Variants in MYLK observed in about 807,000 individuals in gnomAD.
MYLK encodes the protein myosin light chain kinase, smooth muscle.
Under a neutral mutation model 203.4 loss-of-function variants are expected in MYLK, and 106 were observed. That is an observed-to-expected ratio of 0.52 (90% CI 0.45 to 0.61). The LOEUF (loss-of-function observed/expected upper bound fraction) is 0.61. MYLK is among the 20% of genes least tolerant of loss of function. The pLI is 0.00. For missense variants in MYLK, 2,072 were observed against 2,442.3 expected, an observed-to-expected ratio of 0.85 and a Z score of 3.20; for synonymous variants, 867 against 959.5, an observed-to-expected ratio of 0.90 and a Z score of 1.78.
chr3:123,726,025 C>T lies in MYLK; in HGVS notation c.1570G>A (p.Ala524Thr), dbSNP rs375501508. Residue 524 changes from alanine (A) to threonine (T), a missense_variant, in exon 12 of 34, where the codon GCT becomes ACT. Transcript: ENST00000360304. ...PSFSSVLKDC[A>T]VIEGQDFVLQ... ...ACAAAATCCTGGCCCTCAATAACAG[C>T]GCAGTCCTTCAGGACACTGGAGAAG... 15 of 1,614,058 alleles carry T rather than the reference C, an allele frequency of 9.3e-6. No homozygotes were observed. In the Middle Eastern group the frequency reaches 4.9e-4, roughly 53 times the overall value.
intron 2 of MYLK, among the ~76,000 whole-genome samples, chr3:123,845,201 A>G (rs139064267): frequency 1.6e-4 from 24 of 152,294 alleles, no homozygotes; most frequent in Admixed American, 3.9e-4. Context: ...GGGGCTGCAC[A>G]GGGCACTCTG....
At chr3:123,632,657 A>G (rs528748770) in intron 29 of MYLK, among the ~76,000 whole-genome samples, 3 of 152,330 alleles carry the variant, frequency 2.0e-5, no homozygotes, top group East Asian at 3.9e-4. Context: ...AATAAAAAAT[A>G]TAATACATAC....
intron 4 of MYLK, among the ~76,000 whole-genome samples, chr3:123,780,728 G>T (rs947751450): frequency 3.9e-5 from 6 of 152,180 alleles, no homozygotes; most frequent in African/African-American, 1.4e-4. Context: ...TGACTGCAGT[G>T]CCCTAGAGTA....
intron 3 of MYLK, among the ~76,000 whole-genome samples, chr3:123,800,660 A>G (rs551853208): frequency 6.6e-6 from 1 of 152,208 alleles, no homozygotes; most frequent in Admixed American, 6.5e-5. Context: ...CCAGCAAGAG[A>G]AGGTATTTTC....
intron 31 of MYLK, 54 bp downstream of exon 31, chr3:123,626,764 G>C: frequency 6.3e-7 from 1 of 1,586,756 alleles, no homozygotes; most frequent in South Asian, 1.2e-5. Context: ...AAAGTGGCTT[G>C]AACAACACAA....
chr3:123,870,689 G>C (rs567149396), intron 2 of MYLK, among the ~76,000 whole-genome samples: 1 of 152,210 alleles, frequency 6.6e-6, no homozygotes. Flanking sequence ...AATCCAGCTT[G>C]TTGTCTATTT....
chr3:123,860,400 G>T (rs2031790010), intron 2 of MYLK, among the ~76,000 whole-genome samples: 2 of 152,198 alleles, frequency 1.3e-5, no homozygotes, highest in South Asian at 4.1e-4. Flanking sequence ...TGCTGAAAGA[G>T]ACTTTTTGGT....
At position 123,726,071 on chromosome 3, in the gene MYLK, G is replaced by A. The variant is rs746874656; in HGVS notation, c.1524C>T (p.Ala508=). The change falls in exon 12 of 34, where the codon GCC becomes GCT. Residue 508 remains alanine, a synonymous_variant. Transcript: ENST00000360304. ...CSWTLQVERL[A]VMEVAPSFSS... ...AGAAGGAGGGGGCCACCTCCATCAC[G>A]GCAAGCCCTGTGAGGGAAAAGGACA... 24 of 1,614,018 alleles carry A rather than the reference G, an allele frequency of 1.5e-5. No homozygotes were observed. The Middle Eastern group carries it at 4.9e-4, about 33-fold the overall frequency.
chr3:123,722,719 A>G (rs1272430231), intron 12 of MYLK, among the ~76,000 whole-genome samples: 1 of 152,318 alleles, frequency 6.6e-6, no homozygotes, highest in East Asian at 1.9e-4. Flanking sequence ...GAGCTTTCCC[A>G]GGCTGAACAT....
chr3:123,845,666 A>G (rs769415195), intron 2 of MYLK, among the ~76,000 whole-genome samples: 1 of 151,856 alleles, frequency 6.6e-6, no homozygotes, highest in African/African-American at 2.4e-5. Context: ...ATATTTTTTT[A>G]TTTTTTAGAG....
At chr3:123,838,281 C>A (rs1162123844) in intron 2 of MYLK, among the ~76,000 whole-genome samples, 3 of 152,102 alleles carry the variant, frequency 2.0e-5, no homozygotes, top group African/African-American at 7.2e-5. Flanking sequence ...AGAACCCTGT[C>A]AATCTGGAAT....
At chr3:123,800,698 C>T in intron 3 of MYLK, among the ~76,000 whole-genome samples, 1 of 152,188 alleles carries the variant, frequency 6.6e-6, no homozygotes, top group East Asian at 1.9e-4. Flanking sequence ...TCCTATGCAA[C>T]TCACACCTTG....
intron 3 of MYLK, among the ~76,000 whole-genome samples, chr3:123,827,658 G>A (rs1258964886): frequency 1.6e-5 from 2 of 126,026 alleles, no homozygotes; most frequent in Admixed American, 8.6e-5. Flanking sequence ...ATGCTCAAGG[G>A]ATTCTTACAT....
At chr3:123,724,413 G>A (rs549309632) in intron 12 of MYLK, among the ~76,000 whole-genome samples, 157 of 152,208 alleles carry the variant, frequency 1.0e-3, no homozygotes, top group Non-Finnish European at 1.6e-3. Context: ...TCTAGACTCC[G>A]TTATTAGTCC....
chr3:123,734,518 C>T (rs1042819332), intron 9 of MYLK: 10 of 333,598 alleles, frequency 3.0e-5, no homozygotes, highest in South Asian at 2.0e-4. Flanking sequence ...ACCGGTGTCC[C>T]GTGTCCACTC....
At chr3:123,819,863 C>A (rs996160899) in intron 3 of MYLK, among the ~76,000 whole-genome samples, 3 of 142,092 alleles carry the variant, frequency 2.1e-5, no homozygotes, top group African/African-American at 7.8e-5. Context: ...GTCTGAGATG[C>A]ACAGACCATC....
chr3:123,753,572 AG>A (rs1311621644), intron 4 of MYLK, among the ~76,000 whole-genome samples: 4 of 151,276 alleles, frequency 2.6e-5, no homozygotes, highest in African/African-American at 4.9e-5. Context: ...CCAGTCAGAG[AG>A]AAGACATCTC....
At chr3:123,842,025 A>C (rs571556808) in intron 2 of MYLK, among the ~76,000 whole-genome samples, 1 of 152,254 alleles carries the variant, frequency 6.6e-6, no homozygotes, top group African/African-American at 2.4e-5. Flanking sequence ...TTTATCAGAA[A>C]TCACAATAAA....
chr3:123,827,750 A>ATATATATATAG (rs1560269132), intron 3 of MYLK, among the ~76,000 whole-genome samples: 1 of 90,812 alleles, frequency 1.1e-5, no homozygotes, highest in African/African-American at 4.0e-5. Flanking sequence ...TATATATATA[A>ATATATATATAG]AGACTCTACC....
Sources: gnomAD v4.1 joint callset for allele counts (sites outside exome capture counted in the v4.1 genomes callset) on GRCh38, gnomAD v4.1.1 for gene constraint, MANE v1.5 for transcripts, NCBI Gene and HGNC (gene_info 2026-07-23, HGNC 2026-07-21) for gene names.